The following DLGAP2 variants were observed in gnomAD, a reference collection of about 807,000 sequenced individuals.
DLGAP2 encodes disks large-associated protein 2.
In DLGAP2, 26 loss-of-function variants were observed where a neutral mutation model predicts 100.3. The ratio of observed to expected loss-of-function variants is 0.26; its 90% confidence interval spans 0.19 to 0.36. DLGAP2 has a LOEUF of 0.36. DLGAP2 is among the 10% of genes least tolerant of loss of function. DLGAP2 has a pLI of 1.00. For missense variants in DLGAP2, 1,858 were observed against 1,453.2 expected (o/e 1.28, Z -4.53); for synonymous variants, 886 against 630.1 (o/e 1.41, Z -6.08).
chr8:1,495,597 G>A (rs1195234494), intron 3 of DLGAP2, among the ~76,000 whole-genome samples: 2 of 152,186 alleles, frequency 1.3e-5, no homozygotes, highest in South Asian at 2.1e-4. Context: ...TGATTGAAAC[G>A]TTTGCCTCTG....
chr8:1,005,324 A>T (rs1334140071), intron 2 of DLGAP2, among the ~76,000 whole-genome samples: 1 of 152,084 alleles, frequency 6.6e-6, no homozygotes, highest in African/African-American at 2.4e-5. Flanking sequence ...TGTCATAGAA[A>T]AGGGAGCCGC....
intron 2 of DLGAP2, among the ~76,000 whole-genome samples, chr8:960,735 C>G (rs147752710): frequency 6.6e-6 from 1 of 152,084 alleles, no homozygotes; most frequent in African/African-American, 2.4e-5. Flanking sequence ...AGTTATAGCC[C>G]GATAAACCTA....
intron 3 of DLGAP2, among the ~76,000 whole-genome samples, chr8:1,383,268 T>A (rs1796137561): frequency 6.6e-6 from 1 of 152,224 alleles, no homozygotes; most frequent in African/African-American, 2.4e-5. Flanking sequence ...GTTCTAAGGT[T>A]TGGAGAATAT....
At position 962,284 on chromosome 8, in the gene DLGAP2, G is replaced by C. The variant is rs140034935; in HGVS notation, c.73+54318G>C. Among the ~76,000 whole-genome samples, 196 of 152,340 alleles carry C rather than the reference G, an allele frequency of 1.3e-3. 1 individual carries two copies. The highest frequency in any genetic ancestry group is 4.5e-3 in the African/African-American group (189 of 41,588). On this transcript the variant is annotated intron_variant, in intron 2 of 14. Transcript: ENST00000637795. Reference sequence around the variant, plus strand: ...CTAAAAACAGATGGCGAAGTAAGGAGAGGGGCTTCTTCCCCTGGCCCTAGA... The same window carrying C: ...CTAAAAACAGATGGCGAAGTAAGGACAGGGGCTTCTTCCCCTGGCCCTAGA...
chr8:1,634,542 G>C (rs1797724620), intron 8 of DLGAP2, among the ~76,000 whole-genome samples: 2 of 152,200 alleles, frequency 1.3e-5, no homozygotes, highest in Admixed American at 6.5e-5. Context: ...TCCTGGGCCA[G>C]TTCTCATGCT....
intron 2 of DLGAP2, among the ~76,000 whole-genome samples, chr8:1,145,666 G>A (rs1342441472): frequency 1.3e-5 from 2 of 151,574 alleles, no homozygotes; most frequent in East Asian, 3.9e-4. Context: ...ACAATGTGCA[G>A]GTTAGTTACA....
chr8:1,488,702 TACA>T (rs1352440387), intron 3 of DLGAP2, among the ~76,000 whole-genome samples: 1 of 152,214 alleles, frequency 6.6e-6, no homozygotes, highest in African/African-American at 2.4e-5. Flanking sequence ...ATTTTAATTC[TACA>T]ACATCTCCAA....
At chr8:1,416,561 C>T (rs779885084) in intron 3 of DLGAP2, among the ~76,000 whole-genome samples, 1 of 152,226 alleles carries the variant, frequency 6.6e-6, no homozygotes, top group Non-Finnish European at 1.5e-5. Flanking sequence ...CAGAACCCCT[C>T]TGCCTCCACG....
chr8:1,036,374 G>A (rs1411135943), intron 2 of DLGAP2, among the ~76,000 whole-genome samples: 1 of 152,248 alleles, frequency 6.6e-6, no homozygotes, highest in Non-Finnish European at 1.5e-5. Context: ...ACCCCCCGAC[G>A]TGTGGTGTGA....
At chr8:1,693,973 C>G (rs539197436) in intron 13 of DLGAP2, among the ~76,000 whole-genome samples, 2 of 152,134 alleles carry the variant, frequency 1.3e-5, no homozygotes, top group Non-Finnish European at 2.9e-5. Context: ...CTCGGGTGAG[C>G]CTAGGCAGGC....
intron 2 of DLGAP2, among the ~76,000 whole-genome samples, chr8:1,161,122 G>A (rs1796880434): frequency 6.6e-6 from 1 of 152,228 alleles, no homozygotes; most frequent in Non-Finnish European, 1.5e-5. Context: ...ATTATCAGCA[G>A]TGAGGAATAG....
chr8:1,437,043 G>C (rs1426748981), intron 3 of DLGAP2, among the ~76,000 whole-genome samples: 1 of 151,620 alleles, frequency 6.6e-6, no homozygotes, highest in African/African-American at 2.4e-5. Context: ...GCCCAGGCGC[G>C]TAAGGGTGAC....
At chr8:986,138 A>G (rs1347157410) in intron 2 of DLGAP2, among the ~76,000 whole-genome samples, 2 of 152,068 alleles carry the variant, frequency 1.3e-5, no homozygotes, top group Admixed American at 1.3e-4. Context: ...GAAGCTCTTC[A>G]TAGCTCACTT....
Position 768,649 on chromosome 8 carries a change from C to T in DLGAP2, c.18+30824C>T, listed in dbSNP as rs565700888. Among the ~76,000 whole-genome samples the T allele has an allele frequency of 7.2e-5, 11 of 151,950 alleles. No homozygotes were observed. The South Asian group carries it at 1.9e-3, about 26-fold the overall frequency. The stretch of plus-strand genomic sequence containing the variant: ...CCATGTTAGCCAGGATGGTCTTGAC[C>T]TCCTGACCTCATGATCTGCCCGCCT... On this transcript the variant is annotated intron_variant, in intron 1 of 14. Coordinates refer to ENST00000637795, the MANE Select transcript of DLGAP2 (RefSeq NM_001346810.2).
intron 2 of DLGAP2, among the ~76,000 whole-genome samples, chr8:1,007,274 C>G (rs1445363821): frequency 6.6e-6 from 1 of 152,204 alleles, no homozygotes; most frequent in Non-Finnish European, 1.5e-5. Context: ...GTCTCTGTGA[C>G]TGCTGTGATT....
At chr8:1,204,797 C>A (rs7003978) in intron 2 of DLGAP2, among the ~76,000 whole-genome samples, 9 of 151,984 alleles carry the variant, frequency 5.9e-5, no homozygotes, top group Admixed American at 3.3e-4. Flanking sequence ...TTCTTAGGGG[C>A]AGTAGAGTGC....
At position 1,595,661 on chromosome 8, in the gene DLGAP2, G is replaced by C. The variant is rs1206638308; in HGVS notation, c.1442+29767G>C. Among the ~76,000 whole-genome samples the C allele has an allele frequency of 1.6e-5, 2 of 126,950 alleles. 1 individual carries two copies. The highest frequency in any genetic ancestry group is 3.3e-5 in the Non-Finnish European group (2 of 61,122). The allele number at this position is 126,950 out of a possible 152,430, so 83.3% of individuals were successfully genotyped here. On this transcript the variant is annotated intron_variant, in intron 6 of 14. Transcript: ENST00000637795. ...CGCAGTCCCGCCTGGGCGACAGAGCGAGACTCCGTCTCAAAAAAAAAAAAA... is the reference window on the plus strand; with the variant it reads ...CGCAGTCCCGCCTGGGCGACAGAGCCAGACTCCGTCTCAAAAAAAAAAAAA...
intron 3 of DLGAP2, among the ~76,000 whole-genome samples, chr8:1,306,357 A>G (rs550722176): frequency 6.6e-6 from 1 of 152,242 alleles, no homozygotes; most frequent in East Asian, 1.9e-4. Flanking sequence ...AAAAAACCCA[A>G]AATTCTTAGA....
chr8:1,165,790 G>C (rs1037585695), intron 2 of DLGAP2, among the ~76,000 whole-genome samples: 18 of 151,598 alleles, frequency 1.2e-4, no homozygotes, highest in Admixed American at 5.9e-4. Flanking sequence ...ATCTCCTCCT[G>C]TTACTTTAAA....
Sources: gnomAD v4.1 joint callset for allele counts (sites outside exome capture counted in the v4.1 genomes callset) on GRCh38, gnomAD v4.1.1 for gene constraint, MANE v1.5 for transcripts, NCBI Gene and HGNC (gene_info 2026-07-23, HGNC 2026-07-21) for gene names.